The following ERP44 variants were observed in gnomAD, a reference collection of about 807,000 sequenced individuals.
The protein encoded by ERP44 is endoplasmic reticulum resident protein 44.
ERP44 carries 25 observed loss-of-function variants against 53.4 expected under a neutral mutation model. The observed-to-expected ratio is 0.47, with a 90% confidence interval of 0.34 to 0.65. The LOEUF is 0.65. Ranked by LOEUF, ERP44 falls within the 30% of genes least tolerant of loss-of-function variation. The probability of loss-of-function intolerance (pLI) is 0.01; values close to 1 mark genes in which losing one functional copy is unlikely to be tolerated. For synonymous variants in ERP44, 145 were observed against 161.2 expected (o/e 0.90, Z 0.76); for missense variants, 338 against 493.2 (o/e 0.69, Z 2.98).
chr9:100,098,757 C>G lies in ERP44; in HGVS notation c.57+27G>C, dbSNP rs764627905. The G allele has an allele frequency of 3.6e-5, 57 of 1,605,360 alleles. No homozygotes were observed. The South Asian group carries it at 5.8e-4, about 16-fold the overall frequency. Reference sequence around the variant, plus strand: ...GGCCGGAGGCCGTTCGTGCGTTTGTCGATGGGTCTGTCATTCCCTCACTCA... The same window carrying G: ...GGCCGGAGGCCGTTCGTGCGTTTGTGGATGGGTCTGTCATTCCCTCACTCA... On this transcript the variant is annotated intron_variant, in intron 1 of 11. Coordinates refer to ENST00000262455, the MANE Select transcript of ERP44 (RefSeq NM_015051.3).
intron 4 of ERP44, among the ~76,000 whole-genome samples, chr9:100,045,503 C>T (rs887686585): frequency 6.6e-6 from 1 of 152,058 alleles, no homozygotes; most frequent in African/African-American, 2.4e-5. Flanking sequence ...AGGTGTAATG[C>T]GTCGTGGTAA....
intron 4 of ERP44, among the ~76,000 whole-genome samples, chr9:100,043,035 G>A (rs1035990547): frequency 1.3e-5 from 2 of 151,584 alleles, no homozygotes; most frequent in Non-Finnish European, 2.9e-5. Flanking sequence ...CGAAGCGGGC[G>A]AATCATGAGG....
At chr9:100,016,482 G>C (rs1830527011) in intron 7 of ERP44, 44 bp from the exon 8 acceptor site, 1 of 1,538,276 alleles carries the variant, frequency 6.5e-7, no homozygotes, top group African/African-American at 1.4e-5. Flanking sequence ...ACCTGTGCTG[G>C]CAAAAGTATA....
intron 8 of ERP44, among the ~76,000 whole-genome samples, chr9:100,014,232 CCTGATT>C (rs1200026857): frequency 1.4e-4 from 22 of 152,158 alleles, no homozygotes; most frequent in Non-Finnish European, 2.2e-4. Flanking sequence ...TGACTTGCTG[CCTGATT>C]CTGTTAGGTC....
At chr9:100,007,516 T>C (rs1035935864) in intron 9 of ERP44, 62 bp downstream of exon 9, 6 of 872,040 alleles carry the variant, frequency 6.9e-6, no homozygotes, top group African/African-American at 1.7e-5. Flanking sequence ...GAGGAGATGA[T>C]GAAAGGGAAA....
At chr9:100,092,992 T>C (rs1007985515) in intron 1 of ERP44, among the ~76,000 whole-genome samples, 25 of 152,286 alleles carry the variant, frequency 1.6e-4, no homozygotes, top group African/African-American at 5.1e-4. Context: ...AATATAATTC[T>C]AGAAAAGTAA....
intron 10 of ERP44, among the ~76,000 whole-genome samples, chr9:99,995,091 T>TC (rs1231957292): frequency 4.6e-5 from 7 of 152,036 alleles, no homozygotes; most frequent in Non-Finnish European, 1.0e-4. Context: ...AGTTTTTTTT[T>TC]CCCCCTCCTT....
intron 10 of ERP44, among the ~76,000 whole-genome samples, chr9:99,993,542 C>G (rs1830277795): frequency 6.6e-6 from 1 of 152,126 alleles, no homozygotes. Context: ...AATGTTAGAC[C>G]TAAAACCATA....
intron 4 of ERP44, 58 bp downstream of exon 4, chr9:100,052,359 T>G: frequency 1.3e-6 from 1 of 752,032 alleles, no homozygotes; most frequent in Non-Finnish European, 2.1e-6. Context: ...AAAATGTGTA[T>G]GTGTGCCTGT....
chr9:100,072,551 T>A (rs1826317638), intron 1 of ERP44, among the ~76,000 whole-genome samples: 1 of 152,106 alleles, frequency 6.6e-6, no homozygotes, highest in African/African-American at 2.4e-5. Context: ...AGATAGAGTT[T>A]TGCTCTTGTT....
intron 1 of ERP44, among the ~76,000 whole-genome samples, chr9:100,088,242 C>T (rs1386342240): frequency 6.6e-6 from 1 of 152,206 alleles, no homozygotes; most frequent in Non-Finnish European, 1.5e-5. Context: ...AGGGCAAGTA[C>T]ACTTTTGCAA....
chr9:100,019,013 C>A (rs1280593144), intron 6 of ERP44, among the ~76,000 whole-genome samples: 1 of 152,214 alleles, frequency 6.6e-6, no homozygotes, highest in Non-Finnish European at 1.5e-5. Flanking sequence ...AAAACTCTCT[C>A]TCTCATGGAG....
Position 100,065,211 on chromosome 9 carries a change from C to T in ERP44, c.58-5039G>A, listed in dbSNP as rs529703696. Among the ~76,000 whole-genome samples the T allele has an allele frequency of 2.6e-5, 4 of 152,194 alleles. No homozygotes were observed. The South Asian group carries it at 6.2e-4, about 24-fold the overall frequency. ...CTATATTTTTACTGTGTCTTTTCTA[C>T]GTTTAGATACACAAATACCATTGTA... On this transcript the variant is annotated intron_variant, in intron 1 of 11. Coordinates refer to ENST00000262455, the MANE Select transcript of ERP44 (RefSeq NM_015051.3).
chr9:100,020,883 C>T (rs1416764883), intron 5 of ERP44, 152 bp from the exon 6 acceptor site: 1 of 527,706 alleles, frequency 1.9e-6, no homozygotes, highest in East Asian at 3.0e-5. Context: ...AACACCTAGT[C>T]CAAAACTGTT....
At chr9:100,021,271 C>G (rs1418704076) in intron 5 of ERP44, among the ~76,000 whole-genome samples, 1 of 152,170 alleles carries the variant, frequency 6.6e-6, no homozygotes, top group Non-Finnish European at 1.5e-5. Flanking sequence ...AGTGAGTTCC[C>G]CAAGCCCAGT....
At chr9:99,998,464 C>A in intron 10 of ERP44, 2 of 697,626 alleles carry the variant, frequency 2.9e-6, no homozygotes, top group South Asian at 3.1e-5. Flanking sequence ...CATCACACCT[C>A]TGCACTCTTC....
intron 10 of ERP44, among the ~76,000 whole-genome samples, chr9:99,994,446 G>A (rs1347612478): frequency 6.6e-6 from 1 of 152,034 alleles, no homozygotes. Context: ...GGTGGGAAAT[G>A]AACAATGACA....
At chr9:100,075,248 C>T (rs1048839276) in intron 1 of ERP44, among the ~76,000 whole-genome samples, 2 of 152,234 alleles carry the variant, frequency 1.3e-5, no homozygotes, top group African/African-American at 4.8e-5. Context: ...CCAACTGCAG[C>T]AGCTGTACCA....
At chr9:100,082,542 T>C (rs1181488833) in intron 1 of ERP44, among the ~76,000 whole-genome samples, 2 of 152,020 alleles carry the variant, frequency 1.3e-5, no homozygotes, top group Non-Finnish European at 2.9e-5. Flanking sequence ...AAAAAACATA[T>C]ACAGTCGTCC....
Sources: gnomAD v4.1 joint callset for allele counts (sites outside exome capture counted in the v4.1 genomes callset) on GRCh38, gnomAD v4.1.1 for gene constraint, MANE v1.5 for transcripts, NCBI Gene and HGNC (gene_info 2026-07-23, HGNC 2026-07-21) for gene names.